Variants in AVEN observed in about 807,000 individuals in gnomAD.
AVEN encodes the protein apoptosis and caspase activation inhibitor.
AVEN carries 41 observed loss-of-function variants against 38.1 expected under a neutral mutation model. The ratio of observed to expected loss-of-function variants is 1.08; its 90% CI spans 0.84 to 1.40. The LOEUF is 1.40. AVEN is among the 40% of genes most tolerant of loss of function. The pLI, the probability that AVEN is intolerant of heterozygous loss-of-function variation, is 0.00. For synonymous variants in AVEN, 206 were observed against 171.8 expected (o/e 1.20, Z -1.56); for missense variants, 605 against 438.8 (o/e 1.38, Z -3.38).
At chr15:33,874,111 G>C (rs116149588) in intron 3 of AVEN, among the ~76,000 whole-genome samples, 1 of 152,000 alleles carries the variant, frequency 6.6e-6, no homozygotes, top group African/African-American at 2.4e-5. Context: ...ACAAAACTTT[G>C]TTAACAGATA....
At chr15:34,047,452 G>A (rs1015854061) in intron 5 of AVEN, among the ~76,000 whole-genome samples, 1 of 152,164 alleles carries the variant, frequency 6.6e-6, no homozygotes, top group African/African-American at 2.4e-5. Context: ...ATACCCCTAG[G>A]AAGAGGGCTG....
intron 2 of AVEN, among the ~76,000 whole-genome samples, chr15:33,909,466 C>T (rs552512638): frequency 6.6e-6 from 1 of 151,896 alleles, no homozygotes; most frequent in Non-Finnish European, 1.5e-5. Flanking sequence ...AAGATGTGAA[C>T]AAAAAAGCAG....
chr15:33,902,161 T>C (rs2153043418), intron 2 of AVEN, among the ~76,000 whole-genome samples: 1 of 152,366 alleles, frequency 6.6e-6, no homozygotes, highest in South Asian at 2.1e-4. Flanking sequence ...ATTTCAACGT[T>C]TTATTGTTTT....
chr15:33,917,496 T>C (rs112440503), intron 2 of AVEN, among the ~76,000 whole-genome samples: 10 of 149,228 alleles, frequency 6.7e-5, no homozygotes, highest in Admixed American at 1.3e-4. Flanking sequence ...TACATATATA[T>C]ACACACGGAA....
At chr15:33,929,321 G>A (rs1415165923) in intron 2 of AVEN, among the ~76,000 whole-genome samples, 1 of 152,158 alleles carries the variant, frequency 6.6e-6, no homozygotes, top group Non-Finnish European at 1.5e-5. Flanking sequence ...TGTCACCCAG[G>A]AAGGCTAAAG....
chr15:33,959,543 T>TA (rs1895087701), intron 2 of AVEN, among the ~76,000 whole-genome samples: 2 of 152,038 alleles, frequency 1.3e-5, no homozygotes, highest in African/African-American at 4.8e-5. Flanking sequence ...AGACTCTACC[T>TA]AGGGGCAGAG....
At chr15:33,901,127 T>C (rs591999) in intron 2 of AVEN, among the ~76,000 whole-genome samples, 151,157 of 152,268 alleles carry the variant, frequency 0.99, 75,035 homozygotes, top group Middle Eastern at 1. Flanking sequence ...CTTGGCTGGG[T>C]GTGGTGGTAG....
At chr15:33,876,406 T>C (rs1891232608) in intron 2 of AVEN, among the ~76,000 whole-genome samples, 1 of 151,940 alleles carries the variant, frequency 6.6e-6, no homozygotes, top group Non-Finnish European at 1.5e-5. Context: ...ACCGTGTCTC[T>C]ACTAAAAATA....
intron 2 of AVEN, among the ~76,000 whole-genome samples, chr15:33,963,167 T>C (rs1895263556): frequency 6.6e-6 from 1 of 152,156 alleles, no homozygotes; most frequent in Non-Finnish European, 1.5e-5. Flanking sequence ...TTAAATTCCA[T>C]AATAATTATG....
chr15:33,864,208 T>G, downstream of AVEN: 1 of 1,592,438 alleles, frequency 6.3e-7, no homozygotes, highest in Non-Finnish European at 8.6e-7. Flanking sequence ...TTAAGAATCA[T>G]ATACCCGTGT....
At chr15:33,861,132 G>C (rs1375184939) in intron 11 of AVEN, 1 of 1,597,672 alleles carries the variant, frequency 6.3e-7, no homozygotes, top group Non-Finnish European at 8.5e-7. Context: ...AACCCCTCAT[G>C]GTTTTGAAAC....
chr15:34,018,599 G>A (rs1329341472), intron 1 of AVEN: 1 of 152,234 alleles, frequency 6.6e-6, no homozygotes, highest in Non-Finnish European at 1.5e-5. Context: ...AGGTAGTGCA[G>A]ACCCAAAGAG....
At chr15:33,853,584 A>G in the AVEN span, 1 of 1,613,948 alleles carries the variant, frequency 6.2e-7, no homozygotes, top group Admixed American at 1.7e-5. Flanking sequence ...ATCTCTACGG[A>G]GCAGAACGCA....
chr15:34,074,865 C>T lies in AVEN; in HGVS notation n.291G>A, dbSNP rs533977806. ...TTTTTATAGTTGAACGAACTGTAGA[C>T]CAATGATGGGTAGTATTGAATGGAA... is the stretch of plus-strand genomic sequence containing the variant. On this transcript the variant is annotated non_coding_transcript_exon_variant, in exon 1 of 12. Coordinates refer to the AVEN transcript ENST00000675287. Among the ~76,000 whole-genome samples, 195 of 152,086 alleles carry T rather than the reference C, an allele frequency of 1.3e-3. 1 individual carries two copies. The highest frequency in any genetic ancestry group is 6.8e-3 in the Middle Eastern group (2 of 294).
chr15:34,038,914 C>G lies in AVEN; in HGVS notation c.133G>C (p.Gly45Arg). Residue 45 changes from glycine to arginine, a missense_variant, in exon 1 of 6, where the codon GGG becomes CGG. Transcript: ENST00000306730. ...VARGGGGGGGGDGGGRRGRGR... is the reference protein window; with the variant it reads ...VARGGGGGGGRDGGGRRGRGR... ...CGGCCCCGGCGTCCGCCTCCGTCCC[C>G]GCCGCCGCCTCCGCCGCCGCCTCTG... The G allele has an allele frequency of 1.4e-6, 1 of 721,592 alleles. No homozygotes were observed. The highest frequency in any genetic ancestry group is 7.1e-5 in the Admixed American group (1 of 14,110). 44.7% of individuals were successfully genotyped at this position (721,592 alleles called of 1,614,324 possible).
chr15:34,020,183 T>C (rs1018155255), intron 1 of AVEN, among the ~76,000 whole-genome samples: 7 of 151,986 alleles, frequency 4.6e-5, no homozygotes, highest in East Asian at 1.9e-4. Flanking sequence ...TGGTGGTGGG[T>C]GCCTGTAGTC....
At chr15:34,068,903 C>G (rs998962060) in intron 2 of AVEN, among the ~76,000 whole-genome samples, 4 of 151,752 alleles carry the variant, frequency 2.6e-5, no homozygotes, top group South Asian at 2.1e-4. Flanking sequence ...GGTCCGCCTC[C>G]CGGGTTCACG....
At chr15:33,960,060 G>C (rs1234416543) in intron 2 of AVEN, among the ~76,000 whole-genome samples, 1 of 152,166 alleles carries the variant, frequency 6.6e-6, no homozygotes, top group Non-Finnish European at 1.5e-5. Flanking sequence ...TGACCCTTCA[G>C]AGCCTCAACT....
At position 33,943,866 on chromosome 15, in the gene AVEN, A is replaced by T. The variant is rs941272461; in HGVS notation, c.445+59166T>A. ...AAAAAAAAAGTTGTTACCATGGTAAATTATATGTTTTTCTTTAATCACAAT... is the reference window on the plus strand; with the variant it reads ...AAAAAAAAAGTTGTTACCATGGTAATTTATATGTTTTTCTTTAATCACAAT... On this transcript the variant is annotated intron_variant, in intron 2 of 5. Coordinates refer to ENST00000306730, the MANE Select transcript of AVEN (RefSeq NM_020371.3). 2.0e-5 allele frequency among the ~76,000 whole-genome samples: 3 copies of T among 149,148 alleles called. No homozygotes were observed. The Admixed American group carries it at 2.0e-4, about 10-fold the overall frequency.
Sources: allele counts gnomAD v4.1 joint callset (sites outside exome capture counted in the v4.1 genomes callset), GRCh38; gene constraint gnomAD v4.1.1; transcripts MANE v1.5; gene names NCBI Gene and HGNC (gene_info 2026-07-23, HGNC 2026-07-21).